Variants in CSMD1 observed in about 807,000 individuals in gnomAD.
CSMD1 encodes CUB and sushi domain-containing protein 1.
CSMD1 carries 213 observed loss-of-function variants against 417.5 expected under a neutral mutation model. The observed-to-expected ratio is 0.51, with a 90% CI of 0.46 to 0.57. The LOEUF (loss-of-function observed/expected upper bound fraction) is 0.57. Ranked by LOEUF, CSMD1 falls within the 20% of genes least tolerant of loss-of-function variation. The pLI is 0.00. For synonymous variants in CSMD1, 2,862 were observed against 1,736.8 expected, an observed-to-expected ratio of 1.65 and a Z score of -16.11; for missense variants, 6,923 against 4,529.7, an observed-to-expected ratio of 1.53 and a Z score of -15.17.
At chr8:2,956,517 G>A (rs553626189) in intron 63 of CSMD1, among the ~76,000 whole-genome samples, 48 of 151,542 alleles carry the variant, frequency 3.2e-4, no homozygotes, top group African/African-American at 9.9e-4. Flanking sequence ...GCAGTGGCAC[G>A]ATCTCCGCTC....
chr8:3,361,203 G>T (rs1809141608), intron 20 of CSMD1, among the ~76,000 whole-genome samples: 1 of 152,036 alleles, frequency 6.6e-6, no homozygotes, highest in African/African-American at 2.4e-5. Flanking sequence ...TTACTTTTTA[G>T]AACATATTAA....
At chr8:3,936,321 T>G (rs182978616) in intron 5 of CSMD1, among the ~76,000 whole-genome samples, 23 of 152,268 alleles carry the variant, frequency 1.5e-4, no homozygotes, top group Non-Finnish European at 1.3e-4. Flanking sequence ...AGGCAGATAT[T>G]GAGTGTAAAC....
At chr8:3,690,137 T>G (rs551606832) in intron 7 of CSMD1, among the ~76,000 whole-genome samples, 1 of 152,124 alleles carries the variant, frequency 6.6e-6, no homozygotes. Context: ...GACCGGAGGA[T>G]CACTTAAGCC....
In CSMD1 at chr8:4,771,934, C is replaced by T. The variant is rs528422694; in HGVS notation, c.86-134376G>A. Among the ~76,000 whole-genome samples, 5 of 152,280 alleles carry T rather than the reference C, an allele frequency of 3.3e-5. No individual in the cohort carries two copies. In the South Asian group the frequency reaches 1.0e-3, roughly 32 times the overall value. ...CCTCGGCTGCTACTCTAGCCCATCC[C>T]GGGGATCTCGTGATAATTCCTGCAA... On this transcript the variant is annotated intron_variant, in intron 1 of 69. Coordinates refer to ENST00000635120, the MANE Select transcript of CSMD1 (RefSeq NM_033225.6).
chr8:4,387,447 G>C (rs1803525147), intron 3 of CSMD1, among the ~76,000 whole-genome samples: 1 of 150,702 alleles, frequency 6.6e-6, no homozygotes, highest in South Asian at 2.1e-4. Flanking sequence ...AGATATGCTT[G>C]GTCTCCATAA....
intron 5 of CSMD1, among the ~76,000 whole-genome samples, chr8:3,786,815 A>T (rs1027873688): frequency 1.3e-5 from 2 of 152,142 alleles, no homozygotes; most frequent in Non-Finnish European, 2.9e-5. Context: ...GAGAAGAAGG[A>T]AACAGAATCT....
At chr8:4,555,934 A>C (rs1218990682) in intron 2 of CSMD1, among the ~76,000 whole-genome samples, 1 of 152,144 alleles carries the variant, frequency 6.6e-6, no homozygotes, top group Non-Finnish European at 1.5e-5. Flanking sequence ...ACTTTTCAAC[A>C]GTTCCTTACT....
At chr8:4,602,903 G>T (rs1046335995) in intron 2 of CSMD1, among the ~76,000 whole-genome samples, 1 of 151,678 alleles carries the variant, frequency 6.6e-6, no homozygotes, top group Non-Finnish European at 1.5e-5. Context: ...ATAATGATAT[G>T]ATCTAGGTTA....
At chr8:3,384,854 AT>A (rs1810890179) in intron 18 of CSMD1, among the ~76,000 whole-genome samples, 1 of 122,934 alleles carries the variant, frequency 8.1e-6, no homozygotes, top group Non-Finnish European at 1.6e-5. Flanking sequence ...TATATATGCT[AT>A]TTATATGTAA....
chr8:4,070,691 T>G (rs904026900), intron 3 of CSMD1, among the ~76,000 whole-genome samples: 4 of 152,060 alleles, frequency 2.6e-5, no homozygotes, highest in African/African-American at 7.2e-5. Context: ...TCACTGAAGA[T>G]CCAAGTTTTC....
At chr8:4,810,293 T>C (rs912497840) in intron 1 of CSMD1, among the ~76,000 whole-genome samples, 3 of 152,236 alleles carry the variant, frequency 2.0e-5, no homozygotes, top group Non-Finnish European at 2.9e-5. Flanking sequence ...GATTTTCTCA[T>C]AGTCAAATTT....
At chr8:4,937,582 G>C (rs982986758) in intron 1 of CSMD1, among the ~76,000 whole-genome samples, 1 of 152,154 alleles carries the variant, frequency 6.6e-6, no homozygotes, top group Admixed American at 6.5e-5. Flanking sequence ...AAAGAACAAA[G>C]ATAGGAAAAG....
intron 1 of CSMD1, chr8:4,788,722 T>C (rs1797538638): frequency 4.3e-6 from 2 of 470,416 alleles, no homozygotes; most frequent in African/African-American, 2.0e-5. Flanking sequence ...AATGCTTCTC[T>C]AGATCCATAC....
chr8:3,830,011 G>C (rs1046763806), intron 5 of CSMD1, among the ~76,000 whole-genome samples: 2 of 152,080 alleles, frequency 1.3e-5, no homozygotes, highest in Non-Finnish European at 2.9e-5. Context: ...TTGTTAACAA[G>C]GTAAGTGGAT....
intron 5 of CSMD1, among the ~76,000 whole-genome samples, chr8:3,964,381 C>T (rs2627479): frequency 0.71 from 108,274 of 152,068 alleles, 39,419 homozygotes; most frequent in East Asian, 0.94. Flanking sequence ...TTGTTTGTAT[C>T]AATTCCAACG....
chr8:4,471,687 CAG>C (rs1278146515), intron 2 of CSMD1, among the ~76,000 whole-genome samples: 15 of 152,034 alleles, frequency 9.9e-5, no homozygotes, highest in African/African-American at 1.7e-4. Flanking sequence ...CCAGCGAACG[CAG>C]AGAGAACACG....
chr8:3,438,406 T>C (rs1032732677), intron 12 of CSMD1, among the ~76,000 whole-genome samples: 16 of 152,134 alleles, frequency 1.1e-4, no homozygotes, highest in African/African-American at 2.9e-4. Flanking sequence ...TGACCCTTGA[T>C]AGCTACACTT....
chr8:4,689,709 G>A (rs1806637132), intron 1 of CSMD1, among the ~76,000 whole-genome samples: 1 of 152,142 alleles, frequency 6.6e-6, no homozygotes, highest in African/African-American at 2.4e-5. Context: ...CTGGCCAAAT[G>A]AACTGCAGAT....
intron 3 of CSMD1, among the ~76,000 whole-genome samples, chr8:4,041,230 G>A (rs1172890599): frequency 1.3e-5 from 2 of 151,952 alleles, no homozygotes; most frequent in Non-Finnish European, 2.9e-5. Flanking sequence ...TGTTAGCCAG[G>A]ATGGTCACGA....
Sources: gnomAD v4.1 joint callset for allele counts (sites outside exome capture counted in the v4.1 genomes callset) on GRCh38, gnomAD v4.1.1 for gene constraint, MANE v1.5 for transcripts, NCBI Gene and HGNC (gene_info 2026-07-23, HGNC 2026-07-21) for gene names.